The following CADM2 variants were observed in gnomAD, a reference collection of about 807,000 sequenced individuals.
CADM2 encodes immunoglobulin superfamily member 4D.
A neutral mutation model predicts 49.8 loss-of-function variants in CADM2; 12 were observed. That is an observed-to-expected ratio of 0.24 (90% CI 0.15 to 0.39). CADM2 has a LOEUF of 0.39. CADM2 is among the 10% of genes least tolerant of loss of function. CADM2 has a pLI of 1.00. For missense variants in CADM2, 378 were observed against 492.3 expected, an observed-to-expected ratio of 0.77 and a Z score of 2.20; for synonymous variants, 214 against 175.4, an observed-to-expected ratio of 1.22 and a Z score of -1.74.
intron 1 of CADM2, among the ~76,000 whole-genome samples, chr3:84,964,613 C>T (rs950572760): frequency 6.6e-6 from 1 of 152,068 alleles, no homozygotes; most frequent in African/African-American, 2.4e-5. Flanking sequence ...CCAAGGAGGC[C>T]GACTCAAAAC....
At chr3:85,040,226 C>T (rs1193752950) in intron 1 of CADM2, among the ~76,000 whole-genome samples, 2 of 152,174 alleles carry the variant, frequency 1.3e-5, no homozygotes, top group Non-Finnish European at 2.9e-5. Context: ...ATTTGAGAAA[C>T]TGAAATCACT....
At chr3:85,791,570 G>C (rs921964273) in intron 2 of CADM2, among the ~76,000 whole-genome samples, 1 of 149,164 alleles carries the variant, frequency 6.7e-6, no homozygotes, top group African/African-American at 2.5e-5. Flanking sequence ...GAGAGAGAGA[G>C]AGAAAAGAAA....
chr3:85,718,886 TTATTATTATTATTA>T (rs1559611998), intron 1 of CADM2, among the ~76,000 whole-genome samples: 7 of 39,844 alleles, frequency 1.8e-4, no homozygotes, highest in Admixed American at 6.5e-4. Context: ...TGGTATTTTA[TTATTATTATTATTA>T]TTATTATTAT....
intron 1 of CADM2, among the ~76,000 whole-genome samples, chr3:85,493,935 T>C (rs912856156): frequency 1.3e-5 from 2 of 152,182 alleles, no homozygotes; most frequent in African/African-American, 4.8e-5. Context: ...ATGACATATT[T>C]TATTTCATGG....
chr3:85,975,459 A>G (rs1726658150), intron 8 of CADM2, among the ~76,000 whole-genome samples: 1 of 151,450 alleles, frequency 6.6e-6, no homozygotes, highest in Non-Finnish European at 1.5e-5. Context: ...TTGGATTTAA[A>G]TTGAGTCTAA....
intron 2 of CADM2, among the ~76,000 whole-genome samples, chr3:85,776,141 A>C (rs1255386837): frequency 6.6e-6 from 1 of 151,930 alleles, no homozygotes; most frequent in Non-Finnish European, 1.5e-5. Context: ...ATACTAGTAA[A>C]ATGAAGTTTT....
intron 8 of CADM2, among the ~76,000 whole-genome samples, chr3:85,980,597 TA>T (rs1176100736): frequency 6.6e-6 from 1 of 151,360 alleles, no homozygotes; most frequent in African/African-American, 2.4e-5. Context: ...GTCTTTCTTG[TA>T]AAAAATTATA....
intron 1 of CADM2, among the ~76,000 whole-genome samples, chr3:85,638,904 A>C (rs1309705520): frequency 1.3e-5 from 2 of 152,134 alleles, no homozygotes; most frequent in South Asian, 2.1e-4. Context: ...TAAACTTAGA[A>C]AGGTTTTTTC....
chr3:85,588,519 C>A (rs2063008511), intron 1 of CADM2, among the ~76,000 whole-genome samples: 1 of 152,036 alleles, frequency 6.6e-6, no homozygotes, highest in Non-Finnish European at 1.5e-5. Context: ...AAATAACTTT[C>A]TGAAACTTAT....
chr3:86,039,350 CAGAT>C (rs1735557116), intron 8 of CADM2, among the ~76,000 whole-genome samples: 3 of 152,102 alleles, frequency 2.0e-5, no homozygotes, highest in East Asian at 1.9e-4. Context: ...AAAGAGGTGA[CAGAT>C]AGCACCTGGA....
At chr3:85,804,970 G>T (rs978753507) in intron 3 of CADM2, among the ~76,000 whole-genome samples, 7 of 152,166 alleles carry the variant, frequency 4.6e-5, no homozygotes, top group African/African-American at 1.4e-4. Context: ...TTGGGACAGG[G>T]TCTCATTTTG....
intron 1 of CADM2, among the ~76,000 whole-genome samples, chr3:85,470,959 G>A (rs1323424852): frequency 6.6e-6 from 1 of 152,020 alleles, no homozygotes; most frequent in African/African-American, 2.4e-5. Flanking sequence ...GAAAATACAG[G>A]CAAATTCCAC....
chr3:85,765,956 G>A (rs2069634606), intron 2 of CADM2, among the ~76,000 whole-genome samples: 2 of 152,164 alleles, frequency 1.3e-5, no homozygotes, highest in South Asian at 4.1e-4. Context: ...TTGAATAAAT[G>A]CCCCTCATAT....
At chr3:85,037,061 T>C (rs2035246755) in intron 1 of CADM2, among the ~76,000 whole-genome samples, 1 of 151,060 alleles carries the variant, frequency 6.6e-6, no homozygotes, top group Admixed American at 6.6e-5. Flanking sequence ...TCCCAGCTAC[T>C]TGGGAGGCTA....
intron 1 of CADM2, among the ~76,000 whole-genome samples, chr3:85,246,436 A>T (rs181695271): frequency 1.6e-3 from 250 of 152,208 alleles, no homozygotes; most frequent in Non-Finnish European, 2.8e-3. Flanking sequence ...CCTAGAACTT[A>T]AAGTATAATA....
At chr3:86,059,925 A>G (rs1174838545) in intron 8 of CADM2, among the ~76,000 whole-genome samples, 3 of 152,146 alleles carry the variant, frequency 2.0e-5, no homozygotes, top group South Asian at 4.1e-4. Context: ...TTAAAAATAC[A>G]CTTACTTGTA....
intron 3 of CADM2, among the ~76,000 whole-genome samples, chr3:85,830,418 A>T (rs1199392285): frequency 1.3e-5 from 2 of 151,900 alleles, no homozygotes; most frequent in African/African-American, 4.8e-5. Flanking sequence ...TACAATATGG[A>T]TATTGACCCT....
chr3:85,218,993 G>A lies in CADM2; in HGVS notation c.61+259325G>A, dbSNP rs77813427. ...TTAGCTCTAAAGCCATGATTGCCTC[G>A]CATATCATGAAGATGATTGTGTAAA... On this transcript the variant is annotated intron_variant, in intron 1 of 9. Transcript: ENST00000383699. Among the ~76,000 whole-genome samples, 1,055 of 152,082 alleles carry A rather than the reference G, an allele frequency of 6.9e-3. 10 individuals are homozygous for A. Among genetic ancestry groups the A allele is most frequent in the African/African-American group, 0.023 (966 of 41,490 alleles).
chr3:85,785,367 G>C, intron 2 of CADM2, among the ~76,000 whole-genome samples: 1 of 152,010 alleles, frequency 6.6e-6, no homozygotes, highest in East Asian at 1.9e-4. Flanking sequence ...AGACAAATAA[G>C]TACAATTTTA....
Sources: gnomAD v4.1 joint callset for allele counts (sites outside exome capture counted in the v4.1 genomes callset) on GRCh38, gnomAD v4.1.1 for gene constraint, MANE v1.5 for transcripts, NCBI Gene and HGNC (gene_info 2026-07-23, HGNC 2026-07-21) for gene names.